Variants in VWA8 observed in about 807,000 individuals in gnomAD.
The protein encoded by VWA8 is von Willebrand factor A domain containing 8, also known as von Willebrand factor A domain-containing protein 8.
In VWA8, 221 loss-of-function variants were observed where a neutral mutation model predicts 241.5. That is an observed-to-expected ratio of 0.91 (90% CI 0.82 to 1.02). VWA8 has a LOEUF of 1.02. Among genes scored for constraint, VWA8 ranks in the 50% least tolerant of loss-of-function variants. The pLI is 0.00. For synonymous variants in VWA8, 852 were observed against 827.1 expected (o/e 1.03, Z -0.52); for missense variants, 2,322 against 2,328.7 (o/e 1.00, Z 0.06).
intron 21 of VWA8, among the ~76,000 whole-genome samples, chr13:41,736,252 G>A (rs1177449428): frequency 6.6e-6 from 1 of 152,120 alleles, no homozygotes; most frequent in Non-Finnish European, 1.5e-5. Flanking sequence ...ACAGACTACA[G>A]CATCTATCAA....
In VWA8 at chr13:41,819,271, G is replaced by A; in HGVS notation, c.1816C>T (p.His606Tyr). The change falls in exon 15 of 45, where the codon CAT (histidine) becomes TAT (tyrosine). Residue 606 changes from histidine to tyrosine, a missense_variant. His to Tyr is a moderately conservative substitution (Grantham distance 83, BLOSUM62 2). Transcript: ENST00000379310. ...GPEFLTMFFF[H>Y]YMKPLVKSEE... Reference sequence around the variant, plus strand: ...CTTTTCACAAGTGGTTTCATGTAATGGAAAAAGAACATGGTTAAGAATTCT... The same window carrying A: ...CTTTTCACAAGTGGTTTCATGTAATAGAAAAAGAACATGGTTAAGAATTCT... 1 of 1,612,828 alleles carries A rather than the reference G, an allele frequency of 6.2e-7. No individual in the cohort carries two copies. Among genetic ancestry groups the A allele is most frequent in the Non-Finnish European group, 8.5e-7 (1 of 1,179,760 alleles).
At chr13:41,833,656 A>AGCTT (rs1871583837) in intron 12 of VWA8, 125 bp from the exon 13 acceptor site, 6 of 1,139,134 alleles carry the variant, frequency 5.3e-6, no homozygotes, top group Non-Finnish European at 6.8e-6. Flanking sequence ...AGTAACAGAG[A>AGCTT]AGTCATCTTC....
intron 12 of VWA8, among the ~76,000 whole-genome samples, chr13:41,851,162 C>G (rs944857383): frequency 2.0e-5 from 3 of 152,152 alleles, no homozygotes; most frequent in Admixed American, 2.0e-4. Flanking sequence ...TTGACTAACA[C>G]TTTCCCCTTT....
chr13:41,714,724 T>C (rs2045337765), intron 26 of VWA8, among the ~76,000 whole-genome samples: 1 of 151,970 alleles, frequency 6.6e-6, no homozygotes, highest in Non-Finnish European at 1.5e-5. Context: ...CAAAATGATC[T>C]CTGTTGTGCC....
At chr13:41,777,459 T>C (rs1024752525) in intron 20 of VWA8, among the ~76,000 whole-genome samples, 1 of 151,396 alleles carries the variant, frequency 6.6e-6, no homozygotes, top group Non-Finnish European at 1.5e-5. Context: ...GCCAACACAG[T>C]GAGAGAAAGA....
At chr13:41,831,455 G>A (rs1220496815) in intron 13 of VWA8, among the ~76,000 whole-genome samples, 1 of 152,128 alleles carries the variant, frequency 6.6e-6, no homozygotes, top group Non-Finnish European at 1.5e-5. Context: ...CAATATTAAT[G>A]TGAAAACTAA....
At chr13:41,611,479 G>A (rs2044587702) in intron 39 of VWA8, 97 bp downstream of exon 39, 2 of 1,464,944 alleles carry the variant, frequency 1.4e-6, no homozygotes, top group African/African-American at 1.4e-5. Context: ...TGCATGAGGT[G>A]GAGGTGGAAA....
chr13:41,764,254 C>A (rs1044624487), intron 20 of VWA8, among the ~76,000 whole-genome samples: 1 of 152,162 alleles, frequency 6.6e-6, no homozygotes, highest in Non-Finnish European at 1.5e-5. Flanking sequence ...TCCCTACCTG[C>A]AAAACTTTTA....
intron 19 of VWA8, among the ~76,000 whole-genome samples, chr13:41,778,581 G>A (rs1868725248): frequency 6.6e-6 from 1 of 151,782 alleles, no homozygotes; most frequent in Non-Finnish European, 1.5e-5. Flanking sequence ...GTTCACAATA[G>A]CCACAGAGGA....
At chr13:41,788,769 C>G (rs1869321222) in intron 17 of VWA8, among the ~76,000 whole-genome samples, 1 of 152,186 alleles carries the variant, frequency 6.6e-6, no homozygotes, top group Non-Finnish European at 1.5e-5. Flanking sequence ...ACATTAGGCC[C>G]TGCAGCTGCA....
chr13:41,764,606 C>A (rs1238182715), intron 20 of VWA8, among the ~76,000 whole-genome samples: 1 of 151,934 alleles, frequency 6.6e-6, no homozygotes, highest in East Asian at 1.9e-4. Context: ...TATCAAGGAA[C>A]TAAAGAGGTA....
At chr13:41,901,889 A>AAATATAT (rs1566500253) in intron 4 of VWA8, among the ~76,000 whole-genome samples, 1 of 83,332 alleles carries the variant, frequency 1.2e-5, no homozygotes, top group Non-Finnish European at 2.2e-5. Context: ...AAAAAAAAAA[A>AAATATAT]ATATATATAT....
At chr13:41,573,486 A>AAAAAATATATATAT in intron 43 of VWA8, among the ~76,000 whole-genome samples, 7 of 113,600 alleles carry the variant, frequency 6.2e-5, no homozygotes, top group South Asian at 3.1e-4. Context: ...AAAAAAAAAA[A>AAAAAATATATATAT]ATATATATAT....
Position 41,580,484 on chromosome 13 carries a change from T to TTGTGAG in VWA8, c.5272-4652_5272-4647dup, listed in dbSNP as rs1445632227. Among the ~76,000 whole-genome samples the TTGTGAG allele has an allele frequency of 2.0e-5, 3 of 152,180 alleles. No homozygotes were observed. The East Asian group carries it at 5.8e-4, about 29-fold the overall frequency. ...AGAAATTTCCCTGGCAGGTGCTGAT[T>TTGTGAG]TGTGAGTCATATGTTTCCACTTTCT... On this transcript the variant is annotated intron_variant, in intron 42 of 44. Transcript: ENST00000379310.
intron 39 of VWA8, among the ~76,000 whole-genome samples, chr13:41,607,359 C>A (rs1200688684): frequency 6.6e-6 from 1 of 152,132 alleles, no homozygotes; most frequent in Non-Finnish European, 1.5e-5. Context: ...AACTCTCAGT[C>A]CTGAAGAATA....
At chr13:41,950,085 T>C in intron 1 of VWA8, 72 bp from the exon 2 acceptor site, 1 of 900,534 alleles carries the variant, frequency 1.1e-6, no homozygotes, top group Non-Finnish European at 1.7e-6. Flanking sequence ...GCAACAATGC[T>C]TGTCCTGACC....
chr13:41,840,432 G>A (rs1045559061), intron 12 of VWA8, among the ~76,000 whole-genome samples: 4 of 151,700 alleles, frequency 2.6e-5, no homozygotes, highest in African/African-American at 4.9e-5. Context: ...AAACCTGCAC[G>A]TTCTGCACAT....
intron 12 of VWA8, among the ~76,000 whole-genome samples, chr13:41,856,651 T>C (rs1396046947): frequency 2.6e-5 from 4 of 151,938 alleles, no homozygotes; most frequent in Admixed American, 6.6e-5. Context: ...CAAAACCCCA[T>C]CTCTACCAAA....
intron 37 of VWA8, among the ~76,000 whole-genome samples, chr13:41,640,217 T>C (rs2044786636): frequency 6.6e-6 from 1 of 152,216 alleles, no homozygotes; most frequent in South Asian, 2.1e-4. Context: ...TTCACGTCAG[T>C]GTTTTTAGCA....
Sources: allele counts gnomAD v4.1 joint callset (sites outside exome capture counted in the v4.1 genomes callset), GRCh38; gene constraint gnomAD v4.1.1; transcripts MANE v1.5; gene names NCBI Gene and HGNC (gene_info 2026-07-23, HGNC 2026-07-21).